RBMS3: variants seen among roughly 807,000 people sequenced by gnomAD.
RBMS3 encodes the protein RNA binding motif single stranded interacting protein 3.
RBMS3 carries 27 observed loss-of-function variants against 66.8 expected under a neutral mutation model. That is an observed-to-expected ratio of 0.40 (90% CI 0.30 to 0.56). RBMS3 has a LOEUF of 0.56. Among genes scored for constraint, RBMS3 ranks in the 20% least tolerant of loss-of-function variants. The pLI is 0.40. For synonymous variants in RBMS3, 188 were observed against 183.0 expected (o/e 1.03, Z -0.22); for missense variants, 513 against 549.5 (o/e 0.93, Z 0.66).
chr3:29,697,075 T>C, intron 4 of RBMS3: 2 of 985,392 alleles, frequency 2.0e-6, no homozygotes, highest in South Asian at 9.4e-5. Flanking sequence ...AGGGCCTGTG[T>C]GCTCAGCATG....
Position 29,281,672 on chromosome 3 carries a change from T to C in RBMS3, c.-10T>C, listed in dbSNP as rs2125405716. The C allele has an allele frequency of 6.2e-7, 1 of 1,612,370 alleles. No homozygotes were observed. The highest frequency in any genetic ancestry group is 2.2e-5 in the East Asian group (1 of 44,770). On this transcript the variant is annotated 5_prime_UTR_variant, in exon 1 of 15. Coordinates refer to ENST00000383767, the MANE Select transcript of RBMS3 (RefSeq NM_001003793.3). ...CAGTTCCCTGCCTCGGAGATAAAGATTCCAGCTACATGGGCAAACGCCTGG... is the reference window on the plus strand; with the variant it reads ...CAGTTCCCTGCCTCGGAGATAAAGACTCCAGCTACATGGGCAAACGCCTGG...
intron 8 of RBMS3, 125 bp downstream of exon 8, chr3:29,884,333 C>G: frequency 1.2e-6 from 1 of 815,610 alleles, no homozygotes; most frequent in Non-Finnish European, 1.9e-6. Flanking sequence ...AAGTTTAAAC[C>G]AAGCATTTTT....
intron 5 of RBMS3, among the ~76,000 whole-genome samples, chr3:29,743,031 G>T (rs534641170): frequency 6.6e-6 from 1 of 152,166 alleles, no homozygotes; most frequent in African/African-American, 2.4e-5. Flanking sequence ...CACAGAAAAA[G>T]TATTTCGTTC....
chr3:29,785,849 A>C (rs1032964058), intron 6 of RBMS3, among the ~76,000 whole-genome samples: 1 of 152,122 alleles, frequency 6.6e-6, no homozygotes, highest in African/African-American at 2.4e-5. Context: ...CAGAACAATC[A>C]AACAAGAGAA....
chr3:29,281,442 T>G lies in RBMS3; in HGVS notation c.-240T>G. 1.9e-6 allele frequency: 1 copy of G among 533,132 alleles called. No homozygotes were observed. Among genetic ancestry groups the G allele is most frequent in the Non-Finnish European group, 3.3e-6 (1 of 306,024 alleles). The allele number at this position is 533,132 out of a possible 1,614,324, so 33.0% of individuals were successfully genotyped here. On this transcript the variant is annotated 5_prime_UTR_variant, in exon 1 of 15. Transcript: ENST00000383767. Reference sequence around the variant, plus strand: ...AGGCAAGATCTGGGAAGGCTGTGTGTGGGTGTTTTTTCTACAGATCTCACT... The same window carrying G: ...AGGCAAGATCTGGGAAGGCTGTGTGGGGGTGTTTTTTCTACAGATCTCACT...
intron 3 of RBMS3, among the ~76,000 whole-genome samples, chr3:29,549,059 G>GTTTTTTTTTTTTTTT (rs5847579): frequency 1.2e-5 from 1 of 85,364 alleles, no homozygotes; most frequent in African/African-American, 4.4e-5. Context: ...TCCTACTTCT[G>GTTTTTTTTTTTTTTT]TTTTTTTTTT....
intron 10 of RBMS3, among the ~76,000 whole-genome samples, chr3:29,922,781 T>C (rs188067266): frequency 6.6e-6 from 1 of 152,204 alleles, no homozygotes; most frequent in African/African-American, 2.4e-5. Flanking sequence ...TAAAAATATA[T>C]CCTAATATCA....
Position 29,284,888 on chromosome 3 carries a change from A to G in RBMS3, c.75+3132A>G, listed in dbSNP as rs187663733. On this transcript the variant is annotated intron_variant, in intron 1 of 14. Coordinates refer to ENST00000383767, the MANE Select transcript of RBMS3 (RefSeq NM_001003793.3). ...TTTTTTTTTTTTTTTTTTTTTACCAAAAGAAGCAATTTCAAGGAGGAACAT... is the reference window on the plus strand; with the variant it reads ...TTTTTTTTTTTTTTTTTTTTTACCAGAAGAAGCAATTTCAAGGAGGAACAT... Among the ~76,000 whole-genome samples, 211 of 131,024 alleles carry G rather than the reference A, an allele frequency of 1.6e-3. 2 individuals carry two copies. The highest frequency in any genetic ancestry group is 5.5e-3 in the African/African-American group (194 of 34,972). 86.0% of individuals were successfully genotyped at this position (131,024 alleles called of 152,430 possible). A position where few individuals can be genotyped will look rare whatever the true frequency, so the allele number is the denominator to read the frequency against.
intron 4 of RBMS3, among the ~76,000 whole-genome samples, chr3:29,705,021 C>A (rs939355710): frequency 6.6e-6 from 1 of 152,188 alleles, no homozygotes; most frequent in Non-Finnish European, 1.5e-5. Context: ...AAGGGGAATG[C>A]TTTCTGGAGT....
Position 29,884,202 on chromosome 3 carries a change from A to G in RBMS3, c.785A>G (p.Gln262Arg), listed in dbSNP as rs1388676672. 3.1e-6 allele frequency: 5 copies of G among 1,609,978 alleles called. No individual in the cohort carries two copies. In the African/African-American group the frequency reaches 5.4e-5, roughly 17 times the overall value. The change falls in exon 8 of 15, where the codon CAG (glutamine) becomes CGG (arginine). Residue 262 changes from glutamine (Q) to arginine (R), a missense_variant. Transcript: ENST00000383767. Reference protein sequence around the residue: ...ALTYDPTAAIQNGFYSSPYSI... With the variant: ...ALTYDPTAAIRNGFYSSPYSI... ...ACCTATGACCCCACAGCTGCCATAC[A>G]GAATGGGTAAGTAGATCACATTTTC...
chr3:29,328,713 C>T (rs1215657626), intron 1 of RBMS3, among the ~76,000 whole-genome samples: 3 of 152,088 alleles, frequency 2.0e-5, no homozygotes, highest in Admixed American at 6.6e-5. Context: ...TCCCTGACCT[C>T]CATTGGGTTA....
intron 4 of RBMS3, among the ~76,000 whole-genome samples, chr3:29,662,984 A>T (rs749697580): frequency 2.0e-5 from 3 of 152,240 alleles, no homozygotes; most frequent in Admixed American, 6.5e-5. Flanking sequence ...GAGGGAAGAC[A>T]GTAGAATCCT....
At chr3:29,429,394 C>G (rs1347931943) in intron 1 of RBMS3, among the ~76,000 whole-genome samples, 1 of 152,152 alleles carries the variant, frequency 6.6e-6, no homozygotes, top group African/African-American at 2.4e-5. Flanking sequence ...GATAGCATCC[C>G]TAATGTGTGG....
chr3:29,494,577 C>T (rs2043669328), intron 3 of RBMS3, among the ~76,000 whole-genome samples: 1 of 152,150 alleles, frequency 6.6e-6, no homozygotes, highest in Non-Finnish European at 1.5e-5. Flanking sequence ...TAAATAAGAG[C>T]TATTGTACAA....
intron 4 of RBMS3, among the ~76,000 whole-genome samples, chr3:29,706,442 A>G (rs181711929): frequency 2.0e-5 from 3 of 152,328 alleles, no homozygotes; most frequent in African/African-American, 4.8e-5. Context: ...AGCAGGCTCA[A>G]TTGCTCTGCT....
chr3:29,745,700 A>G (rs1283366867), intron 5 of RBMS3, among the ~76,000 whole-genome samples: 1 of 152,156 alleles, frequency 6.6e-6, no homozygotes, highest in Non-Finnish European at 1.5e-5. Context: ...TGAGCTAAAG[A>G]GCGTGAGAGA....
At chr3:29,629,200 C>T (rs888925693) in intron 4 of RBMS3, among the ~76,000 whole-genome samples, 2 of 152,092 alleles carry the variant, frequency 1.3e-5, no homozygotes, top group African/African-American at 4.8e-5. Flanking sequence ...TATCTACTTT[C>T]TACTTTAAAG....
At chr3:29,345,787 G>A (rs1051250196) in intron 1 of RBMS3, among the ~76,000 whole-genome samples, 5 of 152,218 alleles carry the variant, frequency 3.3e-5, no homozygotes, top group South Asian at 4.1e-4. Flanking sequence ...TTGAAGTCCC[G>A]ACACAGATGT....
chr3:29,985,121 G>A (rs1324442479), intron 12 of RBMS3, among the ~76,000 whole-genome samples: 1 of 152,224 alleles, frequency 6.6e-6, no homozygotes, highest in Admixed American at 6.5e-5. Context: ...TAGAAAGGCA[G>A]TCTGACTATA....
Sources: allele counts gnomAD v4.1 joint callset (sites outside exome capture counted in the v4.1 genomes callset), GRCh38; gene constraint gnomAD v4.1.1; transcripts MANE v1.5; gene names NCBI Gene and HGNC (gene_info 2026-07-23, HGNC 2026-07-21).